LAMP1: variants seen among roughly 807,000 people sequenced by gnomAD.
LAMP1 encodes the protein lysosome associated membrane protein 1.
A neutral mutation model predicts 37.5 loss-of-function variants in LAMP1; 7 were observed. The ratio of observed to expected loss-of-function variants is 0.19; its 90% CI spans 0.11 to 0.35. LAMP1 has a LOEUF of 0.35. Among genes scored for constraint, LAMP1 ranks in the 10% least tolerant of loss-of-function variants. The pLI, the probability that LAMP1 is intolerant of heterozygous loss-of-function variation, is 1.00. For missense variants in LAMP1, 537 were observed against 552.8 expected (o/e 0.97, Z 0.29); for synonymous variants, 236 against 229.1 (o/e 1.03, Z -0.27).
chr13:113,320,677 G>T lies in LAMP1; in HGVS notation c.876+207G>T. 1 of 585,124 alleles carries T rather than the reference G, an allele frequency of 1.7e-6. No homozygotes were observed. The highest frequency in any genetic ancestry group is 3.0e-6 in the Non-Finnish European group (1 of 336,094). The allele number at this position is 585,124 out of a possible 1,614,324, so 36.2% of individuals were successfully genotyped here. A position where few individuals can be genotyped will look rare whatever the true frequency, so the allele number is the denominator to read the frequency against. On this transcript the variant is annotated intron_variant, in intron 6 of 8. Coordinates refer to ENST00000332556, the MANE Select transcript of LAMP1 (RefSeq NM_005561.4). The surrounding 1 kb of genome is among the most constrained non-coding windows in gnomAD (Gnocchi z 4.4). Reference sequence around the variant, plus strand: ...AGATGCAGCAGATGATGTGGGCGGGGCTGCTGTGCCCACAGTTGGAGTGGC... The same window carrying T: ...AGATGCAGCAGATGATGTGGGCGGGTCTGCTGTGCCCACAGTTGGAGTGGC...
chr13:113,310,558 GTACTA>G (rs1407782200), intron 3 of LAMP1, 146 bp from the exon 4 acceptor site: 14 of 704,462 alleles, frequency 2.0e-5, no homozygotes, highest in Non-Finnish European at 2.5e-5. Context: ...AGTAAACTAA[GTACTA>G]TAAGTAGTTT....
intron 5 of LAMP1, 50 bp downstream of exon 5, chr13:113,319,706 A>T: frequency 6.4e-7 from 1 of 1,552,242 alleles, no homozygotes; most frequent in Non-Finnish European, 8.8e-7. Context: ...GTAGGGCTGG[A>T]GCCTCTGCTC....
intron 4 of LAMP1, among the ~76,000 whole-genome samples, chr13:113,319,106 C>T (rs1296987962): frequency 1.3e-5 from 2 of 152,208 alleles, no homozygotes; most frequent in Admixed American, 6.5e-5. Context: ...TTCGTGACAG[C>T]GTTCAAGGCT....
chr13:113,309,613 T>C (rs1258552267), intron 2 of LAMP1, 30 bp from the exon 3 acceptor site: 6 of 1,533,692 alleles, frequency 3.9e-6, no homozygotes, highest in African/African-American at 1.4e-5. Context: ...TGCATCCCAA[T>C]TGGGTTACAT....
At chr13:113,307,710 T>C (rs1204991371) in intron 2 of LAMP1, among the ~76,000 whole-genome samples, 6 of 151,984 alleles carry the variant, frequency 3.9e-5, no homozygotes, top group Admixed American at 3.3e-4. Context: ...TTGAAATGGC[T>C]TTGTGTTTCT....
Position 113,321,760 on chromosome 13 carries a change from G to A in LAMP1, c.1114+33G>A, listed in dbSNP as rs760756081. On this transcript the variant is annotated intron_variant, in intron 8 of 8. Coordinates refer to ENST00000332556, the MANE Select transcript of LAMP1 (RefSeq NM_005561.4). The surrounding 1 kb of genome is among the most constrained non-coding windows in gnomAD (Gnocchi z 5.6). ...TCACCGAGGGCAGCTGTCGCGGGGT[G>A]TGGAGGACGTGCTTCAGACTCCGCC... 1.4e-5 allele frequency: 22 copies of A among 1,605,536 alleles called. No homozygotes were observed. The highest frequency in any genetic ancestry group is 1.8e-5 in the Non-Finnish European group (21 of 1,175,816).
In LAMP1 at chr13:113,320,491, C is replaced by T. The variant is rs1415400943; in HGVS notation, c.876+21C>T. 16 of 1,600,374 alleles carry T rather than the reference C, an allele frequency of 1.0e-5. No homozygotes were observed. The Admixed American group carries it at 2.3e-4, about 23-fold the overall frequency. ...GGATGGTGAGGCTGGGGCGGCACCT[C>T]TCTGGGGGCGCCCACTGTGTCTCCA... On this transcript the variant is annotated intron_variant, in intron 6 of 8. Transcript: ENST00000332556. This position sits in a 1 kb window ranked among gnomAD's most constrained non-coding sequence, Gnocchi z 4.4.
In LAMP1 at chr13:113,321,938, T is replaced by C; in HGVS notation, c.1114+211T>C. ...TCTCAGCTGGGAGCCCCTGGTACCA[T>C]TTGAGAGTAAGGGAATCATTTTAAG... On this transcript the variant is annotated intron_variant, in intron 8 of 8. Coordinates refer to ENST00000332556, the MANE Select transcript of LAMP1 (RefSeq NM_005561.4). The surrounding 1 kb of genome is among the most constrained non-coding windows in gnomAD (Gnocchi z 5.6). 1.7e-6 allele frequency: 1 copy of C among 598,948 alleles called. No individual in the cohort carries two copies. The highest frequency in any genetic ancestry group is 2.9e-6 in the Non-Finnish European group (1 of 340,666). 37.1% of individuals were successfully genotyped at this position (598,948 alleles called of 1,614,324 possible).
At position 113,303,757 on chromosome 13, in the gene LAMP1, A is replaced by C. The variant is rs77411997; in HGVS notation, c.62-2728A>C. 8.9e-3 allele frequency among the ~76,000 whole-genome samples: 1,350 copies of C among 152,302 alleles called. 72 individuals carry two copies. In the East Asian group the frequency reaches 0.14, roughly 16 times the overall value. On this transcript the variant is annotated intron_variant, in intron 1 of 8. Transcript: ENST00000332556. ...CAAAGCTTACTTTAAATTTATTTAAATGATATTTCTTTGTTTTCCTCTGAA... is the reference window on the plus strand; with the variant it reads ...CAAAGCTTACTTTAAATTTATTTAACTGATATTTCTTTGTTTTCCTCTGAA...
At chr13:113,313,362 G>A (rs1595461139) in intron 4 of LAMP1, among the ~76,000 whole-genome samples, 1 of 152,236 alleles carries the variant, frequency 6.6e-6, no homozygotes, top group African/African-American at 2.4e-5. Flanking sequence ...TTAGGTTTCT[G>A]TGTATTCTCT....
At chr13:113,307,790 CTTT>C (rs557835481) in intron 2 of LAMP1, among the ~76,000 whole-genome samples, 7 of 24,726 alleles carry the variant, frequency 2.8e-4, no homozygotes, top group Admixed American at 2.3e-3. Flanking sequence ...GATCTTATCT[CTTT>C]TTTAAAAAAA....
At chr13:113,317,800 A>C (rs943140709) in intron 4 of LAMP1, among the ~76,000 whole-genome samples, 1 of 149,796 alleles carries the variant, frequency 6.7e-6, no homozygotes, top group Non-Finnish European at 1.5e-5. Context: ...GACCCTCCCT[A>C]GTCAGCCTTC....
Position 113,314,422 on chromosome 13 carries a change from G to A in LAMP1, c.562+3555G>A, listed in dbSNP as rs539539253. On this transcript the variant is annotated intron_variant, in intron 4 of 8. Transcript: ENST00000332556. The stretch of plus-strand genomic sequence containing the variant: ...CCTGGGGCGTGGCCTCCTAGAGGGA[G>A]TCAGTGTGGAGATGCCCGTGTGCCT... Among the ~76,000 whole-genome samples, 214 of 87,514 alleles carry A rather than the reference G, an allele frequency of 2.4e-3. 13 individuals carry two copies. The highest frequency in any genetic ancestry group is 0.018 in the African/African-American group (184 of 10,378). 57.4% of individuals were successfully genotyped at this position (87,514 alleles called of 152,430 possible).
intron 5 of LAMP1, 73 bp downstream of exon 5, chr13:113,319,729 G>C: frequency 7.2e-7 from 1 of 1,383,774 alleles, no homozygotes; most frequent in Admixed American, 1.9e-5. Context: ...TGTGCACTGA[G>C]AACACGCGTC....
Position 113,321,934 on chromosome 13 carries a change from A to G in LAMP1, c.1114+207A>G, listed in dbSNP as rs2139377698. ...TGTCTCTCAGCTGGGAGCCCCTGGT[A>G]CCATTTGAGAGTAAGGGAATCATTT... On this transcript the variant is annotated intron_variant, in intron 8 of 8. Transcript: ENST00000332556. This position sits in a 1 kb window ranked among gnomAD's most constrained non-coding sequence, Gnocchi z 5.6. The G allele has an allele frequency of 3.3e-6, 2 of 604,200 alleles. No homozygotes were observed. Among genetic ancestry groups the G allele is most frequent in the Non-Finnish European group, 5.8e-6 (2 of 344,032 alleles). 37.4% of individuals were successfully genotyped at this position (604,200 alleles called of 1,614,324 possible). A position where few individuals can be genotyped will look rare whatever the true frequency, so the allele number is the denominator to read the frequency against.
In LAMP1 at chr13:113,321,153, C is replaced by T. The variant is rs1223603214; in HGVS notation, c.877-251C>T. On this transcript the variant is annotated intron_variant, in intron 6 of 8. Transcript: ENST00000332556. This position sits in a 1 kb window ranked among gnomAD's most constrained non-coding sequence, Gnocchi z 5.6. ...CGTGATCACTCCACTGCACTCCAGC[C>T]TGGGTGACAGAGCAAGACTCTCAGA... is the stretch of plus-strand genomic sequence containing the variant. 4 of 474,094 alleles carry T rather than the reference C, an allele frequency of 8.4e-6. No individual in the cohort carries two copies. Among genetic ancestry groups the T allele is most frequent in the East Asian group, 8.5e-5 (2 of 23,416 alleles). The allele number at this position is 474,094 out of a possible 1,614,324, so 29.4% of individuals were successfully genotyped here.
At chr13:113,298,581 C>A (rs2042554807) in intron 1 of LAMP1, among the ~76,000 whole-genome samples, 1 of 152,156 alleles carries the variant, frequency 6.6e-6, no homozygotes, top group African/African-American at 2.4e-5. Flanking sequence ...AGCTGTAAAA[C>A]TCTGTTACTG....
At chr13:113,302,289 A>G (rs1418636227) in intron 1 of LAMP1, among the ~76,000 whole-genome samples, 1 of 151,562 alleles carries the variant, frequency 6.6e-6, no homozygotes, top group African/African-American at 2.4e-5. Context: ...GGTTCAAGTG[A>G]TTCTTCTGCC....
In LAMP1 at chr13:113,320,495, G is replaced by A; in HGVS notation, c.876+25G>A. On this transcript the variant is annotated intron_variant, in intron 6 of 8. Coordinates refer to ENST00000332556, the MANE Select transcript of LAMP1 (RefSeq NM_005561.4). This position sits in a 1 kb window ranked among gnomAD's most constrained non-coding sequence, Gnocchi z 4.4. ...GGTGAGGCTGGGGCGGCACCTCTCTGGGGGCGCCCACTGTGTCTCCACCAC... is the reference window on the plus strand; with the variant it reads ...GGTGAGGCTGGGGCGGCACCTCTCTAGGGGCGCCCACTGTGTCTCCACCAC... The A allele has an allele frequency of 6.3e-7, 1 of 1,599,672 alleles. No homozygotes were observed. The highest frequency in any genetic ancestry group is 8.5e-7 in the Non-Finnish European group (1 of 1,177,116).
Sources: allele counts gnomAD v4.1 joint callset (sites outside exome capture counted in the v4.1 genomes callset), GRCh38; gene constraint gnomAD v4.1.1; non-coding constraint Gnocchi (gnomAD v3.1); transcripts MANE v1.5; gene names NCBI Gene and HGNC (gene_info 2026-07-23, HGNC 2026-07-21).